Variants in WDR20 observed in about 807,000 individuals in gnomAD.
WDR20 encodes WD repeat domain 20.
A neutral mutation model predicts 38.7 loss-of-function variants in WDR20; 3 were observed. The observed-to-expected ratio is 0.08, with a 90% CI of 0.04 to 0.20. The LOEUF (loss-of-function observed/expected upper bound fraction) is 0.20. Among genes scored for constraint, WDR20 ranks in the 10% least tolerant of loss-of-function variants. The pLI is 1.00. For synonymous variants in WDR20, 298 were observed against 285.6 expected, an observed-to-expected ratio of 1.04 and a Z score of -0.44; for missense variants, 559 against 727.7, an observed-to-expected ratio of 0.77 and a Z score of 2.67.
intron 1 of WDR20, among the ~76,000 whole-genome samples, chr14:102,184,978 T>G (rs1175510986): frequency 1.3e-5 from 2 of 152,162 alleles, no homozygotes; most frequent in Admixed American, 1.3e-4. Flanking sequence ...AAGTGTGGGC[T>G]GTACTAGTAT....
intron 2 of WDR20, among the ~76,000 whole-genome samples, chr14:102,201,000 A>C (rs1467963072): frequency 1.3e-5 from 2 of 152,178 alleles, no homozygotes; most frequent in Non-Finnish European, 2.9e-5. Flanking sequence ...GTCTATTCTG[A>C]TACAAAGGAA....
chr14:102,169,763 G>C (rs1487049304), intron 1 of WDR20, among the ~76,000 whole-genome samples: 1 of 152,082 alleles, frequency 6.6e-6, no homozygotes, highest in Non-Finnish European at 1.5e-5. Context: ...CTTGACCTCA[G>C]GTGATCCACC....
intron 1 of WDR20, among the ~76,000 whole-genome samples, chr14:102,190,354 G>A (rs1471435294): frequency 6.6e-6 from 1 of 152,098 alleles, no homozygotes; most frequent in African/African-American, 2.4e-5. Context: ...GAGGTCAGGA[G>A]TTTGAGACCA....
At chr14:102,202,798 C>A (rs1418351316) in intron 2 of WDR20, among the ~76,000 whole-genome samples, 1 of 152,122 alleles carries the variant, frequency 6.6e-6, no homozygotes, top group African/African-American at 2.4e-5. Context: ...GGCTGGAGTA[C>A]AGTGGTGTAA....
At chr14:102,147,411 A>G (rs2054034038) in intron 1 of WDR20, among the ~76,000 whole-genome samples, 1 of 152,204 alleles carries the variant, frequency 6.6e-6, no homozygotes, top group African/African-American at 2.4e-5. Context: ...TCATGGGTAG[A>G]TATGAGCAAT....
At chr14:102,195,781 G>A (rs1361673106) in intron 2 of WDR20, 2 of 152,226 alleles carry the variant, frequency 1.3e-5, no homozygotes, top group Non-Finnish European at 2.9e-5. Flanking sequence ...TATAGAAATT[G>A]CCAAGTAGAT....
chr14:102,161,135 TA>T (rs2058595183), intron 1 of WDR20, among the ~76,000 whole-genome samples: 5 of 11,926 alleles, frequency 4.2e-4, no homozygotes, highest in South Asian at 3.0e-3. Context: ...TATATATATA[TA>T]TATATATTTT....
chr14:102,158,310 T>G (rs542159129), intron 1 of WDR20, among the ~76,000 whole-genome samples: 11 of 152,144 alleles, frequency 7.2e-5, no homozygotes, highest in Non-Finnish European at 8.8e-5. Flanking sequence ...ACAATTTTTT[T>G]TTTTAAGATG....
chr14:102,193,895 G>A (rs2152941588), intron 1 of WDR20, among the ~76,000 whole-genome samples: 1 of 152,244 alleles, frequency 6.6e-6, no homozygotes, highest in East Asian at 1.9e-4. Context: ...AGTGGGAGGG[G>A]GTGGGTTTCC....
At chr14:102,160,206 T>C (rs527481658) in intron 1 of WDR20, among the ~76,000 whole-genome samples, 34 of 152,314 alleles carry the variant, frequency 2.2e-4, no homozygotes, top group African/African-American at 6.7e-4. Flanking sequence ...AGTTGTACAA[T>C]TATCACTGTA....
downstream of WDR20, among the ~76,000 whole-genome samples, chr14:102,224,331 C>T (rs1005977694): frequency 1.1e-4 from 17 of 152,042 alleles, no homozygotes; most frequent in East Asian, 1.9e-4. Context: ...TGAGCCACTG[C>T]GCCCGGCCTT....
intron 2 of WDR20, among the ~76,000 whole-genome samples, chr14:102,204,170 T>A (rs1241989537): frequency 6.6e-6 from 1 of 151,900 alleles, no homozygotes; most frequent in African/African-American, 2.4e-5. Flanking sequence ...CGCTTTGGGG[T>A]CTGATGGGCC....
In WDR20 at chr14:102,209,267, C is replaced by T. The variant is rs2153020561; in HGVS notation, c.1097C>T (p.Thr366Met). Residue 366 changes from threonine (T) to methionine (M), a missense_variant, in exon 3 of 3, where the codon ACG (threonine) becomes ATG (methionine). Transcript: ENST00000342702. The surrounding 1 kb of genome is among the most constrained non-coding windows in gnomAD (Gnocchi z 6.0). ...ACAGACAGCCGCCCCGTAAGTGTCA[C>T]GTATCGGTTTGGTTCCGTGGGCCAG... ...NSTDSRPVSV[T>M]YRFGSVGQDT... 3 of 1,614,178 alleles carry T rather than the reference C, an allele frequency of 1.9e-6. No homozygotes were observed. The highest frequency in any genetic ancestry group is 2.5e-6 in the Non-Finnish European group (3 of 1,180,036).
chr14:102,148,202 A>G (rs2054362546), intron 1 of WDR20, among the ~76,000 whole-genome samples: 1 of 152,216 alleles, frequency 6.6e-6, no homozygotes, highest in African/African-American at 2.4e-5. Context: ...ATTGGTAGAC[A>G]TTTCTAATTG....
At chr14:102,186,552 C>A (rs1256629033) in intron 1 of WDR20, among the ~76,000 whole-genome samples, 1 of 152,040 alleles carries the variant, frequency 6.6e-6, no homozygotes, top group African/African-American at 2.4e-5. Flanking sequence ...CACCCCCCTC[C>A]GGTTTCACCA....
chr14:102,195,269 G>A (rs2059223285), intron 2 of WDR20, 149 bp downstream of exon 2: 2 of 856,066 alleles, frequency 2.3e-6, no homozygotes, highest in Non-Finnish European at 3.5e-6. Context: ...TTTAAATGTG[G>A]TGGATTAATT....
intron 1 of WDR20, among the ~76,000 whole-genome samples, chr14:102,156,659 C>T (rs2057465581): frequency 6.6e-6 from 1 of 151,828 alleles, no homozygotes; most frequent in Non-Finnish European, 1.5e-5. Context: ...TAGGTCTGAG[C>T]CACCATGCCT....
At chr14:102,162,456 T>C (rs1284575805) in intron 1 of WDR20, among the ~76,000 whole-genome samples, 1 of 152,200 alleles carries the variant, frequency 6.6e-6, no homozygotes, top group Non-Finnish European at 1.5e-5. Flanking sequence ...TAAGTGCCTG[T>C]ACGTAGTAGG....
chr14:102,156,644 G>C (rs2057463093), intron 1 of WDR20, among the ~76,000 whole-genome samples: 1 of 151,966 alleles, frequency 6.6e-6, no homozygotes, highest in East Asian at 1.9e-4. Flanking sequence ...AGAGTCCTGG[G>C]ATTATAGGTC....
Sources: gnomAD v4.1 joint callset for allele counts (sites outside exome capture counted in the v4.1 genomes callset) on GRCh38, gnomAD v4.1.1 for gene constraint, Gnocchi (gnomAD v3.1) non-coding constraint, MANE v1.5 for transcripts, NCBI Gene and HGNC (gene_info 2026-07-23, HGNC 2026-07-21) for gene names.